The following LMNTD1 variants were observed in gnomAD, a reference collection of about 807,000 sequenced individuals.
LMNTD1 encodes lamin tail domain containing 1.
A neutral mutation model predicts 50.9 loss-of-function variants in LMNTD1; 35 were observed. That is an observed-to-expected ratio of 0.69 (90% CI 0.53 to 0.91). The LOEUF (loss-of-function observed/expected upper bound fraction) is 0.91, where lower values mean the gene tolerates loss of function less well. Ranked by LOEUF, LMNTD1 falls within the 40% of genes least tolerant of loss-of-function variation. The probability of loss-of-function intolerance (pLI) is 0.00; values close to 1 mark genes in which losing one functional copy is unlikely to be tolerated. For synonymous variants in LMNTD1, 153 were observed against 161.9 expected, an observed-to-expected ratio of 0.94 and a Z score of 0.42; for missense variants, 470 against 475.5, an observed-to-expected ratio of 0.99 and a Z score of 0.11.
rs75218714 is a variant in LMNTD1, at chr12:25,531,839, A to G, written c.492-4884T>C. On this transcript the variant is annotated intron_variant, in intron 4 of 9. Transcript: ENST00000458174. ...TTTATAACCTTGCTATCTGTGATTC[A>G]GTCTAGATATTTACTTCTGAGAATA... Among the ~76,000 whole-genome samples the G allele has an allele frequency of 4.7e-3, 720 of 152,320 alleles. 11 individuals are homozygous for G. The highest frequency in any genetic ancestry group is 0.043 in the East Asian group (224 of 5,188).
Position 25,546,517 on chromosome 12 carries a change from T to G in LMNTD1, c.348A>C (p.Glu116Asp). 1 of 1,573,126 alleles carries G rather than the reference T, an allele frequency of 6.4e-7. No individual in the cohort carries two copies. The highest frequency in any genetic ancestry group is 1.2e-5 in the South Asian group (1 of 84,480). The change falls in exon 4 of 10, where the codon GAA becomes GAC. Residue 116 changes from glutamate (E) to aspartate (D), a missense_variant. Glu to Asp is a conservative substitution (Grantham distance 45). Transcript: ENST00000458174. ...CTTCTCCATCCCCAATCATGGGTGA[T>G]TCATCCTGTTTCTTCGGAACTGAGA... ...SPFSVPKKQD[E>D]SPMIGDGEDY...
chr12:25,597,056 T>A (rs1307736228), intron 1 of LMNTD1, among the ~76,000 whole-genome samples: 1 of 151,864 alleles, frequency 6.6e-6, no homozygotes, highest in East Asian at 1.9e-4. Flanking sequence ...AAAAAACAGA[T>A]AATGGATACA....
intron 8 of LMNTD1, among the ~76,000 whole-genome samples, chr12:25,518,035 G>T (rs541663794): frequency 4.8e-4 from 73 of 152,068 alleles, no homozygotes; most frequent in Non-Finnish European, 8.7e-4. Context: ...TATATATTGG[G>T]ATCTCGCTTA....
chr12:25,489,821 A>G (rs1938826872), intron 9 of LMNTD1, among the ~76,000 whole-genome samples: 1 of 152,198 alleles, frequency 6.6e-6, no homozygotes, highest in South Asian at 2.1e-4. Flanking sequence ...AAATATTTGA[A>G]AGCACTTCCA....
intron 1 of LMNTD1, among the ~76,000 whole-genome samples, chr12:25,619,268 ATATATATATATG>A (rs146743304): frequency 0.16 from 15,073 of 96,434 alleles, 916 homozygotes; most frequent in East Asian, 0.27. Flanking sequence ...ATATATATAT[ATATATATATATG>A]TATAGCTAAC....
intron 9 of LMNTD1, among the ~76,000 whole-genome samples, chr12:25,479,926 C>T (rs994365628): frequency 5.9e-5 from 9 of 152,284 alleles, no homozygotes; most frequent in East Asian, 3.9e-4. Flanking sequence ...TCAGCCTTGG[C>T]GAGTGGAAGT....
chr12:25,598,906 C>T (rs762857188), intron 1 of LMNTD1, among the ~76,000 whole-genome samples: 21 of 151,856 alleles, frequency 1.4e-4, no homozygotes, highest in Admixed American at 3.3e-4. Context: ...GCTTCATTGA[C>T]GAATTCTATC....
At chr12:25,526,041 T>A (rs959447758) in intron 6 of LMNTD1, 58 bp downstream of exon 6, 2 of 1,393,170 alleles carry the variant, frequency 1.4e-6, no homozygotes, top group Non-Finnish European at 1.9e-6. Context: ...AATACAGATA[T>A]GCTCAATAAG....
chr12:25,527,689 C>A (rs199588502), intron 4 of LMNTD1, among the ~76,000 whole-genome samples: 1 of 46,498 alleles, frequency 2.2e-5, no homozygotes, highest in Non-Finnish European at 4.2e-5. Context: ...TATACACACA[C>A]ACACACACAC....
chr12:25,528,879 G>A (rs1416435337), intron 4 of LMNTD1, among the ~76,000 whole-genome samples: 1 of 151,988 alleles, frequency 6.6e-6, no homozygotes, highest in African/African-American at 2.4e-5. Flanking sequence ...TCCTTGAGGG[G>A]CTACCACCTT....
intron 1 of LMNTD1, among the ~76,000 whole-genome samples, chr12:25,596,113 A>G (rs1233704339): frequency 6.6e-6 from 1 of 152,134 alleles, no homozygotes; most frequent in Non-Finnish European, 1.5e-5. Flanking sequence ...TTACCCACAA[A>G]AAAAGATCCT....
intron 8 of LMNTD1, among the ~76,000 whole-genome samples, chr12:25,511,737 C>A (rs1281391489): frequency 1.3e-5 from 2 of 152,182 alleles, no homozygotes; most frequent in Admixed American, 6.5e-5. Context: ...GAAACTCTAA[C>A]ATGGTGGTGT....
intron 9 of LMNTD1, among the ~76,000 whole-genome samples, chr12:25,502,548 C>T (rs1429589564): frequency 6.6e-6 from 1 of 152,202 alleles, no homozygotes; most frequent in Admixed American, 6.5e-5. Context: ...GGGATTAGTT[C>T]TGGCTTTGTG....
At chr12:25,552,591 A>AAAG (rs1328129223) in intron 2 of LMNTD1, among the ~76,000 whole-genome samples, 1 of 150,274 alleles carries the variant, frequency 6.7e-6, no homozygotes, top group African/African-American at 2.4e-5. Context: ...GAAAAAAAAA[A>AAAG]AAAAAAAAAA....
intron 4 of LMNTD1, among the ~76,000 whole-genome samples, chr12:25,537,925 T>A (rs940422959): frequency 7.5e-5 from 11 of 147,252 alleles, no homozygotes; most frequent in African/African-American, 2.7e-4. Flanking sequence ...ACGTGAAGAA[T>A]GCAGAAGCCT....
chr12:25,544,236 C>G (rs1250401167), intron 4 of LMNTD1, among the ~76,000 whole-genome samples: 1 of 151,830 alleles, frequency 6.6e-6, no homozygotes, highest in African/African-American at 2.4e-5. Context: ...GCTTTATATA[C>G]TTGGGAGCTT....
chr12:25,586,627 G>A (rs1236689896), intron 1 of LMNTD1, among the ~76,000 whole-genome samples: 1 of 152,174 alleles, frequency 6.6e-6, no homozygotes, highest in African/African-American at 2.4e-5. Flanking sequence ...GGCAGGCACA[G>A]TTTGCCCTCA....
intron 8 of LMNTD1, among the ~76,000 whole-genome samples, chr12:25,504,468 A>G (rs1359541565): frequency 3.3e-5 from 5 of 152,248 alleles, no homozygotes; most frequent in Non-Finnish European, 7.3e-5. Context: ...GATACCAAGT[A>G]CAAATTACTT....
intron 1 of LMNTD1, among the ~76,000 whole-genome samples, chr12:25,630,098 G>T (rs962626524): frequency 2.0e-5 from 3 of 152,124 alleles, no homozygotes; most frequent in Non-Finnish European, 2.9e-5. Flanking sequence ...ATGAGGAGTG[G>T]TTAGGGTGCC....
Sources: gnomAD v4.1 joint callset for allele counts (sites outside exome capture counted in the v4.1 genomes callset) on GRCh38, gnomAD v4.1.1 for gene constraint, MANE v1.5 for transcripts, NCBI Gene and HGNC (gene_info 2026-07-23, HGNC 2026-07-21) for gene names.